The following CLPB variants were observed in gnomAD, a reference collection of about 807,000 sequenced individuals.
CLPB encodes the protein mitochondrial disaggregase.
CLPB carries 40 observed loss-of-function variants against 78.4 expected under a neutral mutation model. The ratio of observed to expected loss-of-function variants is 0.51; its 90% confidence interval spans 0.40 to 0.66. The LOEUF is 0.66. CLPB is among the 30% of genes least tolerant of loss of function. The probability of loss-of-function intolerance (pLI) is 0.00; values close to 1 mark genes in which losing one functional copy is unlikely to be tolerated. For missense variants in CLPB, 780 were observed against 886.9 expected, an observed-to-expected ratio of 0.88 and a Z score of 1.53; for synonymous variants, 333 against 348.0, an observed-to-expected ratio of 0.96 and a Z score of 0.48.
chr11:72,342,718 G>T (rs1950442488), intron 5 of CLPB, among the ~76,000 whole-genome samples: 1 of 152,228 alleles, frequency 6.6e-6, no homozygotes, highest in Non-Finnish European at 1.5e-5. Flanking sequence ...GCAAATGACA[G>T]CTGAGACCAA....
intron 3 of CLPB, among the ~76,000 whole-genome samples, chr11:72,383,518 A>C (rs1392982509): frequency 6.7e-6 from 1 of 149,390 alleles, no homozygotes; most frequent in African/African-American, 2.5e-5. Context: ...GCGACAGAGC[A>C]AGACTCTGTC....
At chr11:72,346,287 C>T (rs992096420) in intron 5 of CLPB, among the ~76,000 whole-genome samples, 1 of 151,852 alleles carries the variant, frequency 6.6e-6, no homozygotes, top group Admixed American at 6.6e-5. Flanking sequence ...AGTGCATTCA[C>T]GTTATAAACA....
Position 72,411,051 on chromosome 11 carries a change from T to C in CLPB, c.456-7999A>G, listed in dbSNP as rs572734241. ...CCTGTGCTAACCTGTATCAATGTAG[T>C]TATCATACAGTCCACAGGTCTAACT... On this transcript the variant is annotated intron_variant, in intron 2 of 15. Coordinates refer to ENST00000538039, the MANE Select transcript of CLPB (RefSeq NM_001258392.3). Among the ~76,000 whole-genome samples, 6 of 152,354 alleles carry C rather than the reference T, an allele frequency of 3.9e-5. No homozygotes were observed. In the South Asian group the frequency reaches 1.2e-3, roughly 32 times the overall value.
intron 11 of CLPB, among the ~76,000 whole-genome samples, chr11:72,298,457 C>A (rs1026795411): frequency 3.9e-5 from 6 of 152,214 alleles, no homozygotes; most frequent in African/African-American, 1.2e-4. Context: ...CTACCCCACA[C>A]AGCGCCTCAT....
chr11:72,402,940 G>A (rs370824163), intron 3 of CLPB, 26 bp downstream of exon 3: 2,344 of 1,598,902 alleles, frequency 1.5e-3, no homozygotes, highest in Non-Finnish European at 1.9e-3. Flanking sequence ...GCCTAAAGGA[G>A]CCCTGTGTGG....
In CLPB at chr11:72,294,677, A is replaced by C. The variant is rs571871217; in HGVS notation, c.1503T>G (p.Ser501Arg). The C allele has an allele frequency of 9.4e-5, 152 of 1,613,964 alleles. No homozygotes were observed. In the South Asian group the frequency reaches 1.5e-3, roughly 16 times the overall value. The part of the protein sequence containing the change: ...IAENLGDVQI[S>R]DKITISKNFK... ...AGTTCTTTGAGATGGTGATCTTGTC[A>C]CTTATCTGGACATCCCCTGTGGAGA... Residue 501 changes from serine (S) to arginine (R), a missense_variant, in exon 13 of 16, where the codon AGT becomes AGG. This residue lies in a region of CLPB where 272 missense variants were observed against 304.0 expected (regional missense o/e 0.89). Coordinates refer to ENST00000538039, the MANE Select transcript of CLPB (RefSeq NM_001258392.3).
chr11:72,320,012 G>A (rs920544034), intron 6 of CLPB, among the ~76,000 whole-genome samples: 2 of 152,240 alleles, frequency 1.3e-5, no homozygotes, highest in African/African-American at 4.8e-5. Context: ...CCCAGAGGCG[G>A]CTCTCGAGGC....
intron 2 of CLPB, among the ~76,000 whole-genome samples, chr11:72,415,905 G>A (rs1289350231): frequency 6.6e-6 from 1 of 152,178 alleles, no homozygotes; most frequent in African/African-American, 2.4e-5. Flanking sequence ...CTTTCTAGCT[G>A]TTTCATTTTA....
Position 72,381,871 on chromosome 11 carries a change from A to G in CLPB, c.543-1487T>C, listed in dbSNP as rs571237688. Reference sequence around the variant, plus strand: ...GTTTCACACCAGTCCCTGCGGCCCCACACTCCAGGCCTGCTCTAGCAACCC... The same window carrying G: ...GTTTCACACCAGTCCCTGCGGCCCCGCACTCCAGGCCTGCTCTAGCAACCC... On this transcript the variant is annotated intron_variant, in intron 3 of 15. Transcript: ENST00000538039. 7.9e-5 allele frequency among the ~76,000 whole-genome samples: 12 copies of G among 151,952 alleles called. No homozygotes were observed. The South Asian group carries it at 2.3e-3, about 29-fold the overall frequency.
At chr11:72,408,992 A>T (rs1855796339) in intron 2 of CLPB, among the ~76,000 whole-genome samples, 1 of 152,202 alleles carries the variant, frequency 6.6e-6, no homozygotes. Context: ...AAGTGAATTA[A>T]TCTCTTTTAA....
intron 5 of CLPB, among the ~76,000 whole-genome samples, chr11:72,339,586 A>G (rs1312816518): frequency 6.6e-6 from 1 of 152,228 alleles, no homozygotes; most frequent in Non-Finnish European, 1.5e-5. Context: ...ATACTGGTTT[A>G]CAGATTTTTT....
chr11:72,379,047 T>A (rs1380641060), intron 4 of CLPB, among the ~76,000 whole-genome samples: 2 of 152,220 alleles, frequency 1.3e-5, no homozygotes, highest in African/African-American at 4.8e-5. Flanking sequence ...AAACTTTACC[T>A]GGGCAGCAAT....
At chr11:72,383,100 A>T (rs1305704252) in intron 3 of CLPB, among the ~76,000 whole-genome samples, 1 of 151,624 alleles carries the variant, frequency 6.6e-6, no homozygotes, top group Non-Finnish European at 1.5e-5. Flanking sequence ...TCAACAGCAG[A>T]ACTGATCAAG....
intron 2 of CLPB, among the ~76,000 whole-genome samples, chr11:72,405,676 C>T (rs1349334813): frequency 2.0e-5 from 3 of 152,120 alleles, no homozygotes; most frequent in Non-Finnish European, 4.4e-5. Flanking sequence ...CATCTGTAAT[C>T]CCAGCACTTT....
intron 9 of CLPB, 63 bp downstream of exon 9, chr11:72,307,136 T>G: frequency 2.1e-6 from 3 of 1,458,308 alleles, no homozygotes; most frequent in Admixed American, 3.4e-5. Flanking sequence ...TCAGATTTTT[T>G]GGGATAGCAG....
At chr11:72,360,631 T>C (rs1950820955) in intron 4 of CLPB, among the ~76,000 whole-genome samples, 1 of 152,060 alleles carries the variant, frequency 6.6e-6, no homozygotes, top group African/African-American at 2.4e-5. Flanking sequence ...GAGATGGGGT[T>C]TCACCATGTT....
chr11:72,396,274 G>A (rs1017656415), intron 3 of CLPB, among the ~76,000 whole-genome samples: 4 of 152,140 alleles, frequency 2.6e-5, no homozygotes, highest in Admixed American at 2.0e-4. Context: ...AAATGCACTC[G>A]GGGAGAAAAG....
chr11:72,366,521 C>A (rs112612875), intron 4 of CLPB, among the ~76,000 whole-genome samples: 1,592 of 152,214 alleles, frequency 0.01, 31 homozygotes, highest in East Asian at 0.063. Flanking sequence ...AACCACCGCA[C>A]CCAGCCAAGA....
intron 3 of CLPB, among the ~76,000 whole-genome samples, chr11:72,385,924 A>G (rs1229167901): frequency 2.6e-5 from 4 of 152,240 alleles, no homozygotes; most frequent in Non-Finnish European, 5.9e-5. Flanking sequence ...ACTATAAAAC[A>G]ATAGATTGTT....
Sources: gnomAD v4.1 joint callset for allele counts (sites outside exome capture counted in the v4.1 genomes callset) on GRCh38, gnomAD v4.1.1 for gene constraint, gnomAD v4.1.1 regional missense constraint, MANE v1.5 for transcripts, NCBI Gene and HGNC (gene_info 2026-07-23, HGNC 2026-07-21) for gene names.